The following MEP1A variants were observed in gnomAD, a reference collection of about 807,000 sequenced individuals.
MEP1A encodes N-benzoyl-L-tyrosyl-P-amino-benzoic acid hydrolase subunit alpha.
In MEP1A, 68 loss-of-function variants were observed where a neutral mutation model predicts 84.5. The ratio of observed to expected loss-of-function variants is 0.80; its 90% CI spans 0.66 to 0.98. The LOEUF is 0.98. Among genes scored for constraint, MEP1A ranks in the 50% least tolerant of loss-of-function variants. The probability of loss-of-function intolerance (pLI) is 0.00; values close to 1 mark genes in which losing one functional copy is unlikely to be tolerated. For missense variants in MEP1A, 887 were observed against 919.9 expected, an observed-to-expected ratio of 0.96 and a Z score of 0.46; for synonymous variants, 337 against 336.8, an observed-to-expected ratio of 1.00 and a Z score of -0.01.
At chr6:46,824,593 A>G (rs1287621399) in intron 7 of MEP1A, among the ~76,000 whole-genome samples, 3 of 138,652 alleles carry the variant, frequency 2.2e-5, no homozygotes, top group African/African-American at 7.9e-5. Flanking sequence ...TAAATTATAT[A>G]TATTAAATAG....
chr6:46,812,081 T>G (rs6458518), intron 6 of MEP1A, among the ~76,000 whole-genome samples: 99,065 of 151,856 alleles, frequency 0.65, 32,895 homozygotes, highest in African/African-American at 0.76. Flanking sequence ...GTATAATTCA[T>G]CTCTGAATCC....
At chr6:46,804,011 C>T (rs1465296037) in intron 5 of MEP1A, among the ~76,000 whole-genome samples, 2 of 151,578 alleles carry the variant, frequency 1.3e-5, no homozygotes, top group African/African-American at 2.4e-5. Flanking sequence ...AAGTCTCGCA[C>T]TATAGTGTTA....
At chr6:46,821,743 A>C (rs1015892069) in intron 7 of MEP1A, among the ~76,000 whole-genome samples, 11 of 152,304 alleles carry the variant, frequency 7.2e-5, no homozygotes, top group African/African-American at 2.6e-4. Context: ...GACATTTGCC[A>C]GGGTCAAGTG....
chr6:46,804,719 C>A (rs528011315), intron 5 of MEP1A, among the ~76,000 whole-genome samples: 69 of 151,782 alleles, frequency 4.5e-4, no homozygotes, highest in African/African-American at 1.6e-3. Context: ...AATCCAAATT[C>A]CTATCAAGAG....
chr6:46,837,249 G>A (rs12199610), intron 13 of MEP1A, among the ~76,000 whole-genome samples: 50,163 of 152,120 alleles, frequency 0.33, 8,964 homozygotes, highest in Middle Eastern at 0.43. Context: ...TTCACATCAC[G>A]AAGGAATCAT....
In MEP1A at chr6:46,833,498, A is replaced by G; in HGVS notation, c.1569A>G (p.Ser523=). Residue 523 remains serine, a synonymous_variant, in exon 11 of 14, where the codon TCA becomes TCG. Coordinates refer to ENST00000230588, the MANE Select transcript of MEP1A (RefSeq NM_005588.3). ...CTGATGTCCGGAACAGGATGTCCTC[A>G]AGCATGGTGTTCACTACCTCGAAGT... ...QEPDVRNRMS[S]SMVFTTSKSH... is the part of the protein sequence containing the mutation. 5.6e-6 allele frequency: 9 copies of G among 1,614,110 alleles called. No homozygotes were observed. Among genetic ancestry groups the G allele is most frequent in the Non-Finnish European group, 7.6e-6 (9 of 1,180,012 alleles).
rs570890699 is a variant in MEP1A, at chr6:46,825,592, T to C, written c.778+99T>C. 3.3e-5 allele frequency: 27 copies of C among 810,032 alleles called. No individual in the cohort carries two copies. The East Asian group carries it at 7.2e-4, about 22-fold the overall frequency. The allele number at this position is 810,032 out of a possible 1,614,324, so 50.2% of individuals were successfully genotyped here. On this transcript the variant is annotated intron_variant, in intron 8 of 13. Transcript: ENST00000230588. ...TACATTTTCCTTTACTCTTCTTTAA[T>C]GTACTAGCTAAAAGAATAAGAACAA...
chr6:46,793,986 G>A (rs765020679), intron 3 of MEP1A, among the ~76,000 whole-genome samples: 10 of 152,100 alleles, frequency 6.6e-5, no homozygotes, highest in Non-Finnish European at 1.3e-4. Context: ...TTTCCAATTT[G>A]TATTTGGAGG....
Position 46,839,391 on chromosome 6 carries a change from C to G in MEP1A, c.*255C>G. The G allele has an allele frequency of 3.2e-6, 1 of 308,614 alleles. No individual in the cohort carries two copies. Among genetic ancestry groups the G allele is most frequent in the Non-Finnish European group, 6.0e-6 (1 of 166,540 alleles). 19.1% of individuals were successfully genotyped at this position (308,614 alleles called of 1,614,324 possible). A position where few individuals can be genotyped will look rare whatever the true frequency, so the allele number is the denominator to read the frequency against. On this transcript the variant is annotated 3_prime_UTR_variant, in exon 14 of 14. Coordinates refer to ENST00000230588, the MANE Select transcript of MEP1A (RefSeq NM_005588.3). ...CATTGTAAATCACTTGTTTTATTGA[C>G]TGTCTTTCCTATAGACTGTAAGCTC...
At chr6:46,821,941 T>A (rs1428347755) in intron 7 of MEP1A, among the ~76,000 whole-genome samples, 1 of 152,220 alleles carries the variant, frequency 6.6e-6, no homozygotes, top group African/African-American at 2.4e-5. Flanking sequence ...CAGGGTAATT[T>A]GTGAGTTTTA....
intron 6 of MEP1A, among the ~76,000 whole-genome samples, chr6:46,813,182 C>T (rs1054906740): frequency 6.6e-5 from 10 of 151,852 alleles, no homozygotes; most frequent in African/African-American, 2.2e-4. Flanking sequence ...AATATCTTTC[C>T]ACTCCTTTAC....
At chr6:46,800,346 A>C (rs1767166794) in intron 5 of MEP1A, among the ~76,000 whole-genome samples, 1 of 152,206 alleles carries the variant, frequency 6.6e-6, no homozygotes, top group Non-Finnish European at 1.5e-5. Flanking sequence ...CATAGGACTC[A>C]GATGAGGATC....
At chr6:46,809,341 G>A in intron 5 of MEP1A, 79 bp from the exon 6 acceptor site, 1 of 855,704 alleles carries the variant, frequency 1.2e-6, no homozygotes, top group Non-Finnish European at 1.8e-6. Flanking sequence ...GTGGCAGCAT[G>A]GTTTTCTCTA....
At chr6:46,826,585 G>A (rs1767952670) in intron 9 of MEP1A, 82 bp downstream of exon 9, 29 of 1,225,826 alleles carry the variant, frequency 2.4e-5, no homozygotes, top group Non-Finnish European at 3.1e-5. Flanking sequence ...TTTTGCCTCA[G>A]TCAGAATGTT....
At position 46,809,411 on chromosome 6, in the gene MEP1A, T is replaced by C; in HGVS notation, c.263-9T>C. ...TAATGCTCATTGATATTTTTACTGA[T>C]TTCTGCAGGGCTGAATGCTAAAGGA... On this transcript the variant is annotated splice_polypyrimidine_tract_variant and intron_variant, in intron 5 of 13. Transcript: ENST00000230588. 1 of 1,557,894 alleles carries C rather than the reference T, an allele frequency of 6.4e-7. No individual in the cohort carries two copies. The highest frequency in any genetic ancestry group is 1.8e-5 in the Admixed American group (1 of 56,860).
At position 46,826,458 on chromosome 6, in the gene MEP1A, GCT is replaced by G; in HGVS notation, c.885_886del (p.Gln296GlyfsTer53). 6.2e-7 allele frequency: 1 copy of G among 1,603,396 alleles called. No individual in the cohort carries two copies. Among genetic ancestry groups the G allele is most frequent in the Non-Finnish European group, 8.5e-7 (1 of 1,174,840 alleles). On this transcript the variant is annotated frameshift_variant, in exon 9 of 14. Coordinates refer to ENST00000230588, the MANE Select transcript of MEP1A (RefSeq NM_005588.3). LOFTEE classifies it high-confidence loss of function. ...DDTDWAHQDSAQAGEVDHTLL... is the reference protein window; with the variant it reads ...DDTDWAHQDSXQAGEVDHTLL... ...CACTGACTGGGCCCATCAGGACAGT[GCT>G]CAGGCTGGAGAAGTGGATCACACCT...
chr6:46,838,945 A>C, intron 13 of MEP1A, 35 bp from the exon 14 acceptor site: 1 of 1,584,520 alleles, frequency 6.3e-7, no homozygotes, highest in Non-Finnish European at 8.6e-7. Flanking sequence ...AGGCCTGGGT[A>C]GTTCCCACAC....
chr6:46,805,712 T>C (rs1206205170), intron 5 of MEP1A, among the ~76,000 whole-genome samples: 2 of 152,012 alleles, frequency 1.3e-5, no homozygotes, highest in East Asian at 3.8e-4. Flanking sequence ...TTATTTTTGT[T>C]TTTATAACAG....
chr6:46,835,098 T>C, intron 12 of MEP1A, 151 bp from the exon 13 acceptor site: 1 of 692,276 alleles, frequency 1.4e-6, no homozygotes, highest in Non-Finnish European at 2.4e-6. Flanking sequence ...TAGCTAATAC[T>C]GTGGGAATCA....
Sources: gnomAD v4.1 joint callset for allele counts (sites outside exome capture counted in the v4.1 genomes callset) on GRCh38, gnomAD v4.1.1 for gene constraint, MANE v1.5 for transcripts, NCBI Gene and HGNC (gene_info 2026-07-23, HGNC 2026-07-21) for gene names.